The following MYO1A variants were observed in gnomAD, a reference collection of about 807,000 sequenced individuals.
The protein encoded by MYO1A is myosin IA, also known as unconventional myosin-Ia.
A neutral mutation model predicts 138.5 loss-of-function variants in MYO1A; 127 were observed. That is an observed-to-expected ratio of 0.92 (90% confidence interval 0.79 to 1.06). The LOEUF (loss-of-function observed/expected upper bound fraction) is 1.06. Among genes scored for constraint, MYO1A ranks in the 50% least tolerant of loss-of-function variants. The pLI is 0.00. For synonymous variants in MYO1A, 477 were observed against 497.5 expected, an observed-to-expected ratio of 0.96 and a Z score of 0.55; for missense variants, 1,211 against 1,288.8, an observed-to-expected ratio of 0.94 and a Z score of 0.92.
chr12:57,029,565 AG>A lies in MYO1A; in HGVS notation c.2746del (p.Leu916Ter), dbSNP rs1200070790. The A allele has an allele frequency of 6.2e-7, 1 of 1,614,222 alleles. No homozygotes were observed. Among genetic ancestry groups the A allele is most frequent in the South Asian group, 1.1e-5 (1 of 91,090 alleles). ...TGTGAGAATCACATGGCCCTTGGTCAGGAGGAGAATCCGAGAAGAAGTCTAG... is the reference window on the plus strand; with the variant it reads ...TGTGAGAATCACATGGCCCTTGGTCAGAGGAGAATCCGAGAAGAAGTCTAG... ...NGKTSSRILL[L>X]TKGHVILTDT... On this transcript the variant is annotated frameshift_variant, in exon 26 of 28. Coordinates refer to ENST00000300119, the MANE Select transcript of MYO1A (RefSeq NM_005379.4). LOFTEE classifies it high-confidence loss of function.
chr12:57,030,936 A>G (rs973364172), intron 23 of MYO1A, 104 bp downstream of exon 23: 8 of 1,446,522 alleles, frequency 5.5e-6, no homozygotes, highest in Middle Eastern at 2.5e-4. Context: ...TTTTACCACA[A>G]TTTTTTTAAT....
At chr12:57,035,915 A>G (rs1452485422) in intron 22 of MYO1A, among the ~76,000 whole-genome samples, 2 of 152,158 alleles carry the variant, frequency 1.3e-5, no homozygotes, top group Non-Finnish European at 2.9e-5. Flanking sequence ...CAACCCTAAA[A>G]TGGATCTTGG....
intron 15 of MYO1A, 99 bp from the exon 16 acceptor site, chr12:57,039,108 T>A: frequency 6.4e-7 from 1 of 1,562,176 alleles, no homozygotes; most frequent in Non-Finnish European, 8.8e-7. Flanking sequence ...TCTTCTGCCC[T>A]CTTTACTGTC....
chr12:57,035,293 C>T (rs61647443), intron 22 of MYO1A, among the ~76,000 whole-genome samples: 2,853 of 152,240 alleles, frequency 0.019, 96 homozygotes, highest in African/African-American at 0.064. Flanking sequence ...CACTCTGGCA[C>T]CAGCACAAGA....
At position 57,037,903 on chromosome 12, in the gene MYO1A, G is replaced by A. The variant is rs140382875; in HGVS notation, c.1927C>T (p.Arg643Trp). The A allele has an allele frequency of 3.9e-4, 633 of 1,614,012 alleles. No homozygotes were observed. Among genetic ancestry groups the A allele is most frequent in the Non-Finnish European group, 5.1e-4 (606 of 1,180,040 alleles). ...CCATTCCAGTGAGGCCAGGTGCTCC[G>A]GCTCAGCAATCGGTACCTTTCCAGG... ...PFLERYRLLSRSTWPHWNGGD... is the reference protein window; with the variant it reads ...PFLERYRLLSWSTWPHWNGGD... The change falls in exon 18 of 28, where the codon CGG becomes TGG. Residue 643 changes from arginine to tryptophan, a missense_variant. Arg to Trp is a moderately radical substitution (Grantham distance 101). Transcript: ENST00000300119.
chr12:57,041,713 T>G (rs1385076711), intron 12 of MYO1A, among the ~76,000 whole-genome samples: 2 of 152,162 alleles, frequency 1.3e-5, no homozygotes, highest in African/African-American at 4.8e-5. Flanking sequence ...ACAGATAGAT[T>G]CCAGGATGGT....
Position 57,043,871 on chromosome 12 carries a change from T to G in MYO1A, c.877A>C (p.Ile293Leu). The G allele has an allele frequency of 6.2e-7, 1 of 1,614,114 alleles. No homozygotes were observed. The highest frequency in any genetic ancestry group is 8.5e-7 in the Non-Finnish European group (1 of 1,180,000). The change falls in exon 10 of 28, where the codon ATC (isoleucine) becomes CTC (leucine). Residue 293 changes from isoleucine (I) to leucine (L), a missense_variant. By Grantham distance (5) the Ile-to-Leu change is conservative. Coordinates refer to ENST00000300119, the MANE Select transcript of MYO1A (RefSeq NM_005379.4). Reference protein sequence around the residue: ...FQASGIPASGIRDGRGVREIG... With the variant: ...FQASGIPASGLRDGRGVREIG... ...GGATGCAGACCTCTCCCATCACGGA[T>G]GCCACTTGCTGGTATCCCACTGGCC...
chr12:57,043,271 TC>T lies in MYO1A; in HGVS notation c.979del (p.Glu327LysfsTer7). 6.2e-7 allele frequency: 1 copy of T among 1,614,230 alleles called. No individual in the cohort carries two copies. The highest frequency in any genetic ancestry group is 8.5e-7 in the Non-Finnish European group (1 of 1,180,040). On this transcript the variant is annotated frameshift_variant, in exon 11 of 28. Coordinates refer to ENST00000300119, the MANE Select transcript of MYO1A (RefSeq NM_005379.4). LOFTEE classifies it high-confidence loss of function. ...AACATTCAGTGCAGTGACCACCTTT[TC>T]CTTGGCTGTTTCCATGGTCCTCGAG... Reference protein sequence around the residue: ...LCSRTMETAKEKVVTALNVMQ... With the variant: ...LCSRTMETAKXKVVTALNVMQ...
chr12:57,038,136 T>C, intron 17 of MYO1A, 67 bp from the exon 18 acceptor site: 1 of 1,553,102 alleles, frequency 6.4e-7, no homozygotes, highest in Non-Finnish European at 8.9e-7. Context: ...ACCCATCATA[T>C]TCCCCTATGC....
At chr12:57,047,509 A>T in intron 4 of MYO1A, 102 bp from the exon 5 acceptor site, 1 of 1,503,738 alleles carries the variant, frequency 6.7e-7, no homozygotes, top group South Asian at 1.1e-5. Flanking sequence ...CCTTGGAGTC[A>T]GAAAAAGTGG....
chr12:57,038,866 AC>A lies in MYO1A; in HGVS notation c.1475del (p.Arg492LeufsTer21), dbSNP rs1565644283. The A allele has an allele frequency of 2.5e-6, 4 of 1,614,018 alleles. No individual in the cohort carries two copies. The Admixed American group carries it at 6.7e-5, about 27-fold the overall frequency. ...YESKVTQNAQRQYDHTMGLSC... is the reference protein window; with the variant it reads ...YESKVTQNAQXQYDHTMGLSC... ...TGAGGCCCATGGTGTGGTCATACTG[AC>A]GCTGGGCATTCTGGGTGACTTTGCT... On this transcript the variant is annotated frameshift_variant, in exon 16 of 28. Transcript: ENST00000300119. LOFTEE classifies it high-confidence loss of function.
chr12:57,039,301 G>C, intron 14 of MYO1A, 27 bp from the exon 15 acceptor site: 1 of 1,589,918 alleles, frequency 6.3e-7, no homozygotes, highest in East Asian at 2.2e-5. Flanking sequence ...ACAAATTACA[G>C]GGAACACGTC....
Position 57,029,270 on chromosome 12 carries a change from G to A in MYO1A, c.2878-11C>T, listed in dbSNP as rs1020438312. On this transcript the variant is annotated splice_polypyrimidine_tract_variant and intron_variant, in intron 26 of 27. Transcript: ENST00000300119. The stretch of plus-strand genomic sequence containing the variant: ...GCCCACCGATGACATCTTAGGAAGA[G>A]GGAAAAATAGCAGGAAAGGGATTCA... The A allele has an allele frequency of 7.4e-6, 12 of 1,613,828 alleles. No homozygotes were observed. The highest frequency in any genetic ancestry group is 3.3e-5 in the Admixed American group (2 of 59,994).
Position 57,037,962 on chromosome 12 carries a change from G to A in MYO1A, c.1868C>T (p.Ala623Val), listed in dbSNP as rs2030648452. ...ATAACCCTGGCGGTGGGCATAGCCT[G>A]CCCGTCGCACCCGTACGTTCTCCAG... The part of the protein sequence containing the change: ...GLLENVRVRR[A>V]GYAHRQGYGP... Residue 623 changes from alanine to valine, a missense_variant, in exon 18 of 28, where the codon GCA (alanine) becomes GTA (valine). Ala to Val is a moderately conservative substitution (Grantham distance 64, BLOSUM62 0). Transcript: ENST00000300119. 6.2e-7 allele frequency: 1 copy of A among 1,614,048 alleles called. No homozygotes were observed.
intron 24 of MYO1A, 39 bp downstream of exon 24, chr12:57,030,171 G>A (rs756832656): frequency 1.1e-4 from 172 of 1,542,894 alleles, no homozygotes; most frequent in Middle Eastern, 1.7e-4. Context: ...GAACTGCTGC[G>A]TGATGGAACT....
chr12:57,031,267 A>C, intron 22 of MYO1A, 93 bp from the exon 23 acceptor site: 1 of 1,493,304 alleles, frequency 6.7e-7, no homozygotes. Context: ...TCAAAGGAGG[A>C]AGTTAACCCA....
intron 3 of MYO1A, 97 bp downstream of exon 3, chr12:57,047,892 G>T: frequency 6.4e-7 from 1 of 1,555,222 alleles, no homozygotes; most frequent in Non-Finnish European, 8.7e-7. Context: ...AGGGGCAGCT[G>T]GAGAAGCCCC....
At chr12:57,041,890 G>A (rs1201429464) in intron 12 of MYO1A, among the ~76,000 whole-genome samples, 2 of 152,194 alleles carry the variant, frequency 1.3e-5, no homozygotes, top group African/African-American at 4.8e-5. Flanking sequence ...CAGAAGGATA[G>A]GTACTTACCA....
rs1220394493 is a variant in MYO1A at position 57,028,681 on chromosome 12, C to T, written c.*74G>A. 5.0e-6 allele frequency: 8 copies of T among 1,587,264 alleles called. No homozygotes were observed. Among genetic ancestry groups the T allele is most frequent in the African/African-American group, 1.3e-5 (1 of 74,508 alleles). On this transcript the variant is annotated 3_prime_UTR_variant, in exon 28 of 28. Transcript: ENST00000300119. ...CGATCAGAGGGGTTAGAGATCCTCC[C>T]ACACAGGAGGGCAGAGGGGGATTAG...
Sources: gnomAD v4.1 joint callset for allele counts (sites outside exome capture counted in the v4.1 genomes callset) on GRCh38, gnomAD v4.1.1 for gene constraint, MANE v1.5 for transcripts, NCBI Gene and HGNC (gene_info 2026-07-23, HGNC 2026-07-21) for gene names.